The following GAST variants were observed in gnomAD, a reference collection of about 807,000 sequenced individuals.
The protein encoded by GAST is gastrin.
A neutral mutation model predicts 12.5 loss-of-function variants in GAST; 9 were observed. The ratio of observed to expected loss-of-function variants is 0.72; its 90% CI spans 0.43 to 1.25. GAST has a LOEUF of 1.25. Ranked by LOEUF, GAST falls within the 50% of genes most tolerant of loss-of-function variation. The pLI, the probability that GAST is intolerant of heterozygous loss-of-function variation, is 0.00. For missense variants in GAST, 121 were observed against 127.7 expected, an observed-to-expected ratio of 0.95 and a Z score of 0.25; for synonymous variants, 52 against 51.1, an observed-to-expected ratio of 1.02 and a Z score of -0.08.
At chr17:41,714,697 C>T (rs1173629299) in intron 1 of GAST, among the ~76,000 whole-genome samples, 1 of 151,598 alleles carries the variant, frequency 6.6e-6, no homozygotes, top group Non-Finnish European at 1.5e-5. Flanking sequence ...ATCACCTGAG[C>T]CCAGGAGGTA....
chr17:41,714,922 A>G (rs7217121), intron 1 of GAST, among the ~76,000 whole-genome samples: 3,664 of 152,326 alleles, frequency 0.024, 149 homozygotes, highest in African/African-American at 0.083. Context: ...AGGTAAAGAG[A>G]AAAAACACAA....
intron 1 of GAST, 61 bp from the exon 2 acceptor site, chr17:41,715,371 T>G (rs1555585692): frequency 1.5e-6 from 2 of 1,341,866 alleles, no homozygotes; most frequent in Non-Finnish European, 2.1e-6. Context: ...TTCAGTCCCC[T>G]GCCTCTGGGC....
chr17:41,713,449 G>C (rs536620597), intron 1 of GAST, among the ~76,000 whole-genome samples: 16 of 152,212 alleles, frequency 1.1e-4, no homozygotes, highest in Middle Eastern at 6.8e-3. Context: ...ACAACACTTT[G>C]GGAGGCTGAA....
At chr17:41,712,573 A>G (rs7225040) in intron 1 of GAST, among the ~76,000 whole-genome samples, 186 bp downstream of exon 1, 36,333 of 151,944 alleles carry the variant, frequency 0.24, 6,032 homozygotes, top group African/African-American at 0.48. Flanking sequence ...GGTATTCCCA[A>G]CCTTGCCTTC....
intron 1 of GAST, among the ~76,000 whole-genome samples, chr17:41,713,640 C>T (rs1015821740): frequency 9.9e-5 from 15 of 151,850 alleles, no homozygotes; most frequent in African/African-American, 2.9e-4. Flanking sequence ...GAGGCTGCAG[C>T]GAGTCAGGAT....
At chr17:41,713,978 C>T (rs1910914396) in intron 1 of GAST, among the ~76,000 whole-genome samples, 1 of 152,094 alleles carries the variant, frequency 6.6e-6, no homozygotes, top group Non-Finnish European at 1.5e-5. Context: ...TTTTTCTTAA[C>T]TGCTTCATTA....
At position 41,715,451 on chromosome 17, in the gene GAST, T is replaced by A. The variant is rs781950209; in HGVS notation, c.15T>A (p.Cys5Ter). Residue 5 changes from cysteine (C) to a stop codon, truncating the protein, a stop_gained, in exon 2 of 3, where the codon TGT becomes TGA. Transcript: ENST00000329402. LOFTEE classifies it high-confidence loss of function. MQRL[C>*]VYVLIFALAL... ...TTGCAGACGAGATGCAGCGACTGTGTGTGTATGTGCTGATCTTTGCACTGG... is the reference window on the plus strand; with the variant it reads ...TTGCAGACGAGATGCAGCGACTGTGAGTGTATGTGCTGATCTTTGCACTGG... 1.2e-6 allele frequency: 2 copies of A among 1,612,886 alleles called. No homozygotes were observed. The highest frequency in any genetic ancestry group is 8.5e-7 in the Non-Finnish European group (1 of 1,179,250).
chr17:41,715,870 T>C lies in GAST; in HGVS notation c.304T>C (p.Ter102GlnextTer3), dbSNP rs782478288. ...CCGCCGCAGTGCTGAGGATGAGAAC[T>C]AACAATCCTAGAACCAAGCTTCAGA... Reference protein sequence around the residue: ...FGRRSAEDEN* With the variant: ...FGRRSAEDENQ Residue 102 changes from the stop codon to glutamine (Q), a stop_lost, in exon 3 of 3, where the codon TAA (stop) becomes CAA (glutamine). Coordinates refer to ENST00000329402, the MANE Select transcript of GAST (RefSeq NM_000805.5). 1.3e-6 allele frequency: 2 copies of C among 1,599,550 alleles called. No homozygotes were observed. The highest frequency in any genetic ancestry group is 1.7e-6 in the Non-Finnish European group (2 of 1,174,916).
chr17:41,715,460 GC>G lies in GAST; in HGVS notation c.25del (p.Leu9Ter), dbSNP rs782714381. ...AGATGCAGCGACTGTGTGTGTATGT[GC>G]TGATCTTTGCACTGGCTCTGGCCGC... MQRLCVYV[L>X]IFALALAAFS... On this transcript the variant is annotated frameshift_variant, in exon 2 of 3. Transcript: ENST00000329402. LOFTEE classifies it high-confidence loss of function. The G allele has an allele frequency of 6.2e-6, 10 of 1,613,790 alleles. No homozygotes were observed. Among genetic ancestry groups the G allele is most frequent in the Non-Finnish European group, 8.5e-6 (10 of 1,179,962 alleles).
chr17:41,714,995 A>G lies in GAST; in HGVS notation c.-5-437A>G, dbSNP rs9906520. On this transcript the variant is annotated intron_variant, in intron 1 of 2. Transcript: ENST00000329402. ...AACTGATCTGAAGAAATAGTCCACA[A>G]CTCCACACAGAATTGCAGACTCACC... Among the ~76,000 whole-genome samples the G allele has an allele frequency of 7.2e-3, 1,093 of 151,810 alleles. 17 individuals are homozygous for G. The highest frequency in any genetic ancestry group is 0.025 in the African/African-American group (1,048 of 41,400).
intron 1 of GAST, among the ~76,000 whole-genome samples, chr17:41,712,600 G>A (rs151099286): frequency 6.6e-6 from 1 of 152,290 alleles, no homozygotes; most frequent in African/African-American, 2.4e-5. Context: ...CCCTTCTGCC[G>A]CAGCCGGGGC....
At chr17:41,713,445 C>T (rs1055539234) in intron 1 of GAST, among the ~76,000 whole-genome samples, 1 of 152,132 alleles carries the variant, frequency 6.6e-6, no homozygotes, top group Non-Finnish European at 1.5e-5. Context: ...GATCACAACA[C>T]TTTGGGAGGC....
intron 1 of GAST, among the ~76,000 whole-genome samples, chr17:41,713,737 G>A (rs1419541430): frequency 2.0e-5 from 3 of 151,942 alleles, no homozygotes; most frequent in African/African-American, 7.3e-5. Context: ...CTTAAAAGCA[G>A]TACAGTATTT....
In GAST at chr17:41,715,652, G is replaced by C. The variant is rs1910962048; in HGVS notation, c.211+5G>C. The C allele has an allele frequency of 6.2e-7, 1 of 1,612,870 alleles. No homozygotes were observed. The highest frequency in any genetic ancestry group is 1.7e-5 in the Admixed American group (1 of 59,852). The stretch of plus-strand genomic sequence containing the variant: ...GTCCCCCACACCTCGTGGCAGGTAG[G>C]AGCTGCTGACTGCCCTGCTTGCCTC... On this transcript the variant is annotated splice_donor_5th_base_variant and intron_variant, in intron 2 of 2. Coordinates refer to ENST00000329402, the MANE Select transcript of GAST (RefSeq NM_000805.5).
chr17:41,713,377 CT>C (rs1910899558), intron 1 of GAST, among the ~76,000 whole-genome samples: 2 of 152,226 alleles, frequency 1.3e-5, no homozygotes, highest in South Asian at 4.1e-4. Context: ...CAAAGAAAAC[CT>C]AACAGAAAAC....
Position 41,715,919 on chromosome 17 carries a change from C to A in GAST, c.*47C>A. The A allele has an allele frequency of 7.2e-7, 1 of 1,395,484 alleles. No homozygotes were observed. 86.4% of individuals were successfully genotyped at this position (1,395,484 alleles called of 1,614,324 possible). A position where few individuals can be genotyped will look rare whatever the true frequency, so the allele number is the denominator to read the frequency against. On this transcript the variant is annotated 3_prime_UTR_variant, in exon 3 of 3. Coordinates refer to ENST00000329402, the MANE Select transcript of GAST (RefSeq NM_000805.5). ...GAGCCTAGCCACCTCCCACCCCACT[C>A]CAGCCCTGTCCCCTGAAAAACTGAT...
chr17:41,715,445 A>G lies in GAST; in HGVS notation c.9A>G (p.Arg3=), dbSNP rs782675998. The G allele has an allele frequency of 6.2e-7, 1 of 1,611,704 alleles. No individual in the cohort carries two copies. The highest frequency in any genetic ancestry group is 1.3e-5 in the African/African-American group (1 of 74,978). The change falls in exon 2 of 3, where the codon CGA becomes CGG. Residue 3 remains arginine (R), a synonymous_variant. Transcript: ENST00000329402. The stretch of plus-strand genomic sequence containing the variant: ...TCCCCTTTGCAGACGAGATGCAGCG[A>G]CTGTGTGTGTATGTGCTGATCTTTG... MQ[R]LCVYVLIFAL... is the part of the protein sequence containing the mutation.
At chr17:41,715,693 G>A (rs532313920) in intron 2 of GAST, 46 bp downstream of exon 2, 1 of 1,605,892 alleles carries the variant, frequency 6.2e-7, no homozygotes, top group East Asian at 2.2e-5. Context: ...GCCAGGTTTG[G>A]CCAAGGTCTC....
intron 1 of GAST, among the ~76,000 whole-genome samples, chr17:41,714,542 C>T (rs192045308): frequency 4.1e-4 from 62 of 152,032 alleles, no homozygotes; most frequent in African/African-American, 1.4e-3. Context: ...GAGGCTGAGG[C>T]GGGAGGATTG....
Sources: allele counts gnomAD v4.1 joint callset (sites outside exome capture counted in the v4.1 genomes callset), GRCh38; gene constraint gnomAD v4.1.1; transcripts MANE v1.5; gene names NCBI Gene and HGNC (gene_info 2026-07-23, HGNC 2026-07-21).